The following MPDZ variants were observed in gnomAD, a reference collection of about 807,000 sequenced individuals.
MPDZ encodes multiple PDZ domain crumbs cell polarity complex component, also known as multiple PDZ domain protein.
Under a neutral mutation model 239.1 loss-of-function variants are expected in MPDZ, and 234 were observed. The observed-to-expected ratio is 0.98, with a 90% confidence interval of 0.88 to 1.09. The LOEUF is 1.09. Among genes scored for constraint, MPDZ ranks in the 50% least tolerant of loss-of-function variants. MPDZ has a pLI of 0.00. For missense variants in MPDZ, 3,175 were observed against 2,510.0 expected (o/e 1.26, Z -5.66); for synonymous variants, 1,048 against 881.3 (o/e 1.19, Z -3.35).
At chr9:13,231,029 G>A (rs1196524541) in intron 3 of MPDZ, among the ~76,000 whole-genome samples, 1 of 151,844 alleles carries the variant, frequency 6.6e-6, no homozygotes, top group African/African-American at 2.4e-5. Context: ...CAACAAAACA[G>A]GAAAATGATA....
chr9:13,209,789 G>C (rs1396682465), intron 10 of MPDZ, among the ~76,000 whole-genome samples: 1 of 152,020 alleles, frequency 6.6e-6, no homozygotes, highest in East Asian at 1.9e-4. Flanking sequence ...TTACAATGAA[G>C]GCAGTCAACA....
intron 3 of MPDZ, among the ~76,000 whole-genome samples, chr9:13,246,219 G>A (rs567236268): frequency 1.3e-5 from 2 of 152,124 alleles, no homozygotes; most frequent in African/African-American, 4.8e-5. Flanking sequence ...AGGCCAAGGC[G>A]GATAGATCAT....
At chr9:13,134,457 C>A (rs1258883144) in intron 31 of MPDZ, 1 of 152,152 alleles carries the variant, frequency 6.6e-6, no homozygotes, top group Non-Finnish European at 1.5e-5. Flanking sequence ...ACGTTAGGAG[C>A]AGCCGGAATG....
intron 1 of MPDZ, among the ~76,000 whole-genome samples, chr9:13,256,201 G>T (rs140305411): frequency 2.4e-4 from 36 of 152,250 alleles, no homozygotes; most frequent in African/African-American, 8.7e-4. Flanking sequence ...AGCCTTCACA[G>T]AATTGAAGAG....
intron 3 of MPDZ, among the ~76,000 whole-genome samples, chr9:13,235,354 T>C (rs1400489195): frequency 6.6e-6 from 1 of 152,148 alleles, no homozygotes; most frequent in African/African-American, 2.4e-5. Context: ...AATTTTACAT[T>C]TTCTATGAGA....
intron 38 of MPDZ, chr9:13,120,515 C>A (rs1368676758): frequency 6.6e-6 from 1 of 152,092 alleles, no homozygotes; most frequent in Non-Finnish European, 1.5e-5. Flanking sequence ...AGCCATGTTA[C>A]CCATGTCATA....
chr9:13,208,647 A>G (rs1335936264), intron 10 of MPDZ, among the ~76,000 whole-genome samples: 1 of 149,944 alleles, frequency 6.7e-6, no homozygotes, highest in Non-Finnish European at 1.5e-5. Context: ...AACAGCATAT[A>G]ATGTCTAAGT....
chr9:13,253,519 T>C (rs1374409688), intron 1 of MPDZ, among the ~76,000 whole-genome samples: 2 of 152,194 alleles, frequency 1.3e-5, no homozygotes, highest in Admixed American at 6.5e-5. Flanking sequence ...TCCCTTCAAA[T>C]TGCAGCCACG....
intron 1 of MPDZ, chr9:13,274,659 C>T (rs1037684859): frequency 5.3e-5 from 8 of 151,048 alleles, no homozygotes; most frequent in African/African-American, 1.9e-4. Context: ...AACATAAATT[C>T]CCTTTTATTA....
intron 19 of MPDZ, among the ~76,000 whole-genome samples, chr9:13,179,438 C>A (rs1048952685): frequency 1.3e-5 from 2 of 152,114 alleles, no homozygotes; most frequent in African/African-American, 4.8e-5. Context: ...AATGGTATAA[C>A]AGTCCCATGC....
intron 21 of MPDZ, among the ~76,000 whole-genome samples, chr9:13,171,287 C>T (rs1369447071): frequency 6.6e-6 from 1 of 152,034 alleles, no homozygotes; most frequent in African/African-American, 2.4e-5. Flanking sequence ...TACATTGCTC[C>T]CTAAAGACTA....
At chr9:13,109,426 C>T (rs541998370) in intron 45 of MPDZ, among the ~76,000 whole-genome samples, 6 of 152,214 alleles carry the variant, frequency 3.9e-5, no homozygotes, top group South Asian at 2.1e-4. Context: ...AACATCAGTA[C>T]GCCCAAGCTC....
At chr9:13,277,375 A>C (rs190550292) in intron 1 of MPDZ, among the ~76,000 whole-genome samples, 110 of 152,354 alleles carry the variant, frequency 7.2e-4, no homozygotes, top group Middle Eastern at 6.8e-3. Flanking sequence ...TAATATGTTG[A>C]GAATAATCTT....
intron 25 of MPDZ, among the ~76,000 whole-genome samples, chr9:13,149,549 A>G (rs527756915): frequency 2.0e-5 from 3 of 152,184 alleles, no homozygotes; most frequent in Middle Eastern, 3.4e-3. Context: ...GCTTATCCCA[A>G]TGAAATAATT....
chr9:13,172,756 G>A (rs1168286323), intron 21 of MPDZ, among the ~76,000 whole-genome samples: 1 of 152,120 alleles, frequency 6.6e-6, no homozygotes, highest in Non-Finnish European at 1.5e-5. Flanking sequence ...AGGCTGTTGA[G>A]GGAGGTTTAA....
At chr9:13,225,335 G>C (rs1238515939) in intron 3 of MPDZ, among the ~76,000 whole-genome samples, 1 of 151,804 alleles carries the variant, frequency 6.6e-6, no homozygotes, top group East Asian at 1.9e-4. Context: ...CTATGCATAA[G>C]AGTTTTTTAC....
At chr9:13,184,405 A>G (rs755153184) in intron 18 of MPDZ, among the ~76,000 whole-genome samples, 2 of 151,906 alleles carry the variant, frequency 1.3e-5, no homozygotes, top group Non-Finnish European at 2.9e-5. Flanking sequence ...GCAAAATTCC[A>G]TATGTTCTAA....
At chr9:13,179,338 C>T (rs1952959379) in intron 19 of MPDZ, among the ~76,000 whole-genome samples, 1 of 152,114 alleles carries the variant, frequency 6.6e-6, no homozygotes. Context: ...ATTAGTAAAT[C>T]ATCTCCCCCA....
intron 10 of MPDZ, among the ~76,000 whole-genome samples, chr9:13,208,526 G>A (rs1957249015): frequency 1.3e-5 from 2 of 151,284 alleles, no homozygotes; most frequent in Admixed American, 6.6e-5. Flanking sequence ...AAAGGTTTCT[G>A]AAAGAATATA....
Sources: gnomAD v4.1 joint callset for allele counts (sites outside exome capture counted in the v4.1 genomes callset) on GRCh38, gnomAD v4.1.1 for gene constraint, MANE v1.5 for transcripts, NCBI Gene and HGNC (gene_info 2026-07-23, HGNC 2026-07-21) for gene names.